The following SKAP2 variants were observed in gnomAD, a reference collection of about 807,000 sequenced individuals.
SKAP2 encodes src kinase associated phosphoprotein 2.
SKAP2 carries 28 observed loss-of-function variants against 54.9 expected under a neutral mutation model. That is an observed-to-expected ratio of 0.51 (90% CI 0.38 to 0.70). The LOEUF (loss-of-function observed/expected upper bound fraction) is 0.70. SKAP2 is among the 30% of genes least tolerant of loss of function. SKAP2 has a pLI of 0.00. For synonymous variants in SKAP2, 137 were observed against 134.3 expected (o/e 1.02, Z -0.14); for missense variants, 356 against 424.1 (o/e 0.84, Z 1.41).
chr7:26,808,972 T>C (rs960612718), intron 4 of SKAP2, among the ~76,000 whole-genome samples: 1 of 152,230 alleles, frequency 6.6e-6, no homozygotes, highest in Non-Finnish European at 1.5e-5. Context: ...AAAAAGTTTC[T>C]GTACGGCAAA....
chr7:26,813,197 C>A (rs1339498168), intron 4 of SKAP2, among the ~76,000 whole-genome samples: 1 of 152,098 alleles, frequency 6.6e-6, no homozygotes, highest in Non-Finnish European at 1.5e-5. Context: ...GATATAGGTA[C>A]ATACACTGGA....
intron 9 of SKAP2, among the ~76,000 whole-genome samples, chr7:26,705,237 T>C (rs1343544932): frequency 2.0e-5 from 3 of 152,234 alleles, no homozygotes; most frequent in Non-Finnish European, 4.4e-5. Flanking sequence ...AAACTTTTCC[T>C]AGCACTTTTA....
chr7:26,670,748 ATAAT>A (rs1786210337), intron 11 of SKAP2, among the ~76,000 whole-genome samples: 1 of 152,106 alleles, frequency 6.6e-6, no homozygotes, highest in East Asian at 1.9e-4. Context: ...GGAAACACTA[ATAAT>A]ACCAAAAAAC....
intron 9 of SKAP2, among the ~76,000 whole-genome samples, chr7:26,723,113 A>G (rs1175041965): frequency 1.3e-5 from 2 of 152,222 alleles, no homozygotes; most frequent in Non-Finnish European, 2.9e-5. Flanking sequence ...ATTTCACAGA[A>G]GTGAAAGCAA....
chr7:26,802,584 T>G (rs1413932522), intron 4 of SKAP2, among the ~76,000 whole-genome samples: 8 of 152,092 alleles, frequency 5.3e-5, no homozygotes, highest in African/African-American at 1.9e-4. Context: ...ACAGTCTCTT[T>G]AATAAATGCT....
At chr7:26,714,356 A>G (rs115952648) in intron 9 of SKAP2, among the ~76,000 whole-genome samples, 1,791 of 152,320 alleles carry the variant, frequency 0.012, 34 homozygotes, top group African/African-American at 0.04. Flanking sequence ...GGGCTAATGG[A>G]TAAGTGGCTA....
intron 11 of SKAP2, among the ~76,000 whole-genome samples, chr7:26,679,721 G>C (rs1786444574): frequency 6.6e-6 from 1 of 152,104 alleles, no homozygotes; most frequent in South Asian, 2.1e-4. Flanking sequence ...ATTTCCCTCT[G>C]CCAATAAAGC....
intron 4 of SKAP2, among the ~76,000 whole-genome samples, chr7:26,841,376 T>C (rs1784813506): frequency 6.6e-6 from 1 of 151,966 alleles, no homozygotes; most frequent in Admixed American, 6.6e-5. Flanking sequence ...GAAAACAACG[T>C]ACCTGGCAGG....
At chr7:26,745,130 T>A (rs1218348010) in intron 4 of SKAP2, among the ~76,000 whole-genome samples, 2 of 152,164 alleles carry the variant, frequency 1.3e-5, no homozygotes, top group African/African-American at 4.8e-5. Context: ...TATATAGTTT[T>A]CAACATGAAC....
intron 4 of SKAP2, among the ~76,000 whole-genome samples, chr7:26,788,535 G>T (rs77112727): frequency 0.021 from 3,141 of 152,040 alleles, 94 homozygotes; most frequent in African/African-American, 0.072. Flanking sequence ...AAAACTGTCA[G>T]AATTTAAATT....
chr7:26,830,843 A>G (rs1262055310), intron 4 of SKAP2, among the ~76,000 whole-genome samples: 1 of 152,192 alleles, frequency 6.6e-6, no homozygotes, highest in Non-Finnish European at 1.5e-5. Flanking sequence ...TTGTAAAAAT[A>G]ATATACAGTT....
intron 4 of SKAP2, among the ~76,000 whole-genome samples, chr7:26,770,687 G>A (rs144190303): frequency 1.2e-3 from 180 of 152,240 alleles, no homozygotes; most frequent in Admixed American, 3.4e-3. Flanking sequence ...AGTCCCTCAC[G>A]GCTTCCCTTG....
chr7:26,683,826 ATCTC>A lies in SKAP2; in HGVS notation c.987+906_987+909del, dbSNP rs143031170. 4.2e-3 allele frequency among the ~76,000 whole-genome samples: 645 copies of A among 152,294 alleles called. 7 individuals carry two copies. The highest frequency in any genetic ancestry group is 0.015 in the African/African-American group (628 of 41,564). The stretch of plus-strand genomic sequence containing the variant: ...TCTTCTGCCTCTAACAAGTCATACT[ATCTC>A]TCTGAAAAGTCCAAAATATTTCTCT... On this transcript the variant is annotated intron_variant, in intron 11 of 12. Coordinates refer to ENST00000345317, the MANE Select transcript of SKAP2 (RefSeq NM_003930.5).
intron 6 of SKAP2, among the ~76,000 whole-genome samples, chr7:26,731,423 C>T (rs1194009239): frequency 6.6e-6 from 1 of 152,186 alleles, no homozygotes; most frequent in Non-Finnish European, 1.5e-5. Context: ...CTACCTCTGC[C>T]TATCTCTTAA....
intron 4 of SKAP2, among the ~76,000 whole-genome samples, chr7:26,766,901 T>C (rs1018195225): frequency 6.6e-6 from 1 of 152,234 alleles, no homozygotes; most frequent in Non-Finnish European, 1.5e-5. Context: ...CACATCGATG[T>C]TCATCAGGGA....
At chr7:26,722,082 C>T (rs1195354270) in intron 9 of SKAP2, among the ~76,000 whole-genome samples, 1 of 152,002 alleles carries the variant, frequency 6.6e-6, no homozygotes, top group Non-Finnish European at 1.5e-5. Flanking sequence ...TGCTAATAAG[C>T]AATAAGACAT....
Position 26,842,188 on chromosome 7 carries a change from C to G in SKAP2, c.307+1842G>C, listed in dbSNP as rs941541872. ...TATATATCAAAAATGAGTAATACTA[C>G]AGGTAAAAGTTTTAATCTGCTCAAG... On this transcript the variant is annotated intron_variant, in intron 4 of 12. Transcript: ENST00000345317. Among the ~76,000 whole-genome samples the G allele has an allele frequency of 4.0e-5, 6 of 151,664 alleles. No individual in the cohort carries two copies. In the South Asian group the frequency reaches 1.2e-3, roughly 31 times the overall value.
At chr7:26,715,606 G>A (rs766655950) in intron 9 of SKAP2, among the ~76,000 whole-genome samples, 29 of 151,944 alleles carry the variant, frequency 1.9e-4, no homozygotes, top group Admixed American at 3.9e-4. Context: ...GTGAAACCCC[G>A]TCTCTACTAA....
intron 6 of SKAP2, among the ~76,000 whole-genome samples, chr7:26,737,144 C>T (rs1787959834): frequency 6.6e-6 from 1 of 152,130 alleles, no homozygotes; most frequent in Non-Finnish European, 1.5e-5. Context: ...ATCAAAGTCA[C>T]AAGGATCTGA....
Sources: allele counts gnomAD v4.1 joint callset (sites outside exome capture counted in the v4.1 genomes callset), GRCh38; gene constraint gnomAD v4.1.1; transcripts MANE v1.5; gene names NCBI Gene and HGNC (gene_info 2026-07-23, HGNC 2026-07-21).